FGFR2: variants seen among roughly 807,000 people sequenced by gnomAD.
FGFR2 encodes fibroblast growth factor receptor 2.
FGFR2 carries 19 observed loss-of-function variants against 95.9 expected under a neutral mutation model. The observed-to-expected ratio is 0.20, with a 90% CI of 0.14 to 0.29. The LOEUF (loss-of-function observed/expected upper bound fraction) is 0.29, where lower values mean the gene tolerates loss of function less well. FGFR2 is among the 10% of genes least tolerant of loss of function. The pLI, the probability that FGFR2 is intolerant of heterozygous loss-of-function variation, is 1.00. For synonymous variants in FGFR2, 392 were observed against 393.3 expected, an observed-to-expected ratio of 1.00 and a Z score of 0.04; for missense variants, 707 against 1,056.9, an observed-to-expected ratio of 0.67 and a Z score of 4.59.
At chr10:121,542,392 A>C (rs1202331609) in intron 5 of FGFR2, among the ~76,000 whole-genome samples, 1 of 152,182 alleles carries the variant, frequency 6.6e-6, no homozygotes, top group African/African-American at 2.4e-5. Flanking sequence ...ACACACAACA[A>C]AAAAGTATAA....
rs1854826759 is a variant in FGFR2, at chr10:121,548,244, CCTTTTTTTTT to C, written c.624+3036_624+3045del. On this transcript the variant is annotated intron_variant, in intron 5 of 17. Coordinates refer to ENST00000358487, the MANE Select transcript of FGFR2 (RefSeq NM_000141.5). Reference sequence around the variant, plus strand: ...ATGTGTGGCCCTCTGCCGCTTTTGGCCTTTTTTTTTTTTTTTTTTTTTTTTTTTTTTTTTT... The same window carrying C: ...ATGTGTGGCCCTCTGCCGCTTTTGGCTTTTTTTTTTTTTTTTTTTTTTTTT... Among the ~76,000 whole-genome samples, 11 of 36,938 alleles carry C rather than the reference CCTTTTTTTTT, an allele frequency of 3.0e-4. No individual in the cohort carries two copies. The South Asian group carries it at 5.1e-3, about 17-fold the overall frequency. The allele number at this position is 36,938 out of a possible 152,430, so 24.2% of individuals were successfully genotyped here.
At chr10:121,488,428 C>T (rs1243789212) in intron 13 of FGFR2, among the ~76,000 whole-genome samples, 1 of 151,266 alleles carries the variant, frequency 6.6e-6, no homozygotes, top group Non-Finnish European at 1.5e-5. Flanking sequence ...GTAGTCCCAG[C>T]TACTCAGGAG....
intron 2 of FGFR2, among the ~76,000 whole-genome samples, chr10:121,572,150 C>CA (rs887722551): frequency 4.3e-5 from 2 of 46,406 alleles, no homozygotes; most frequent in African/African-American, 1.9e-4. Context: ...CCTCTCTCCA[C>CA]AAAAAATGAA....
At chr10:121,502,985 G>A (rs894278810) in intron 10 of FGFR2, among the ~76,000 whole-genome samples, 2 of 152,154 alleles carry the variant, frequency 1.3e-5, no homozygotes. Flanking sequence ...TTACCACCAC[G>A]TGAAGGGAAA....
rs1243664931 is a variant in FGFR2, at chr10:121,482,152, C to T, written c.2301+1546G>A. ...GCGCCTGACCAACTTTTCCCAGTTTCTCAATGAAGCCATAAACTTTCAGAT... is the reference window on the plus strand; with the variant it reads ...GCGCCTGACCAACTTTTCCCAGTTTTTCAATGAAGCCATAAACTTTCAGAT... On this transcript the variant is annotated intron_variant, in intron 17 of 17. Transcript: ENST00000358487. The T allele has an allele frequency of 2.5e-6, 4 of 1,612,114 alleles. No individual in the cohort carries two copies. The Admixed American group carries it at 6.7e-5, about 27-fold the overall frequency.
intron 2 of FGFR2, among the ~76,000 whole-genome samples, chr10:121,580,993 T>TCCTGCCCAC (rs2135350897): frequency 6.6e-6 from 1 of 152,244 alleles, no homozygotes; most frequent in Admixed American, 6.5e-5. Flanking sequence ...CAGAATCCCA[T>TCCTGCCCAC]CCTGCCCACA....
At chr10:121,486,211 C>T (rs1242808071) in intron 15 of FGFR2, among the ~76,000 whole-genome samples, 1 of 152,156 alleles carries the variant, frequency 6.6e-6, no homozygotes, top group Non-Finnish European at 1.5e-5. Context: ...ACATCATGGT[C>T]GTTCTGGAAA....
intron 2 of FGFR2, among the ~76,000 whole-genome samples, chr10:121,588,643 G>A (rs1431278832): frequency 6.6e-6 from 1 of 152,120 alleles, no homozygotes; most frequent in Non-Finnish European, 1.5e-5. Context: ...TTAAGGCTAG[G>A]ACAGGTGTGG....
chr10:121,498,543 C>T lies in FGFR2; in HGVS notation c.1624G>A (p.Gly542Arg), dbSNP rs752880857. The T allele has an allele frequency of 1.2e-6, 2 of 1,614,014 alleles. No individual in the cohort carries two copies. The highest frequency in any genetic ancestry group is 2.2e-5 in the East Asian group (1 of 44,876). ...AGATTTATGATATTCTTGTGTTTCC[C>T]AATCATCTTCATCATCTCCATCTCT... ...VSEMEMMKMI[G>R]KHKNIINLLG... The change falls in exon 12 of 18, where the codon GGG becomes AGG. Residue 542 changes from glycine to arginine, a missense_variant. Around this residue, in one of 7 missense-constraint regions of FGFR2, gnomAD observed 194 missense variants for 267.3 expected, o/e 0.73. Coordinates refer to ENST00000358487, the MANE Select transcript of FGFR2 (RefSeq NM_000141.5).
intron 4 of FGFR2, 82 bp from the exon 5 acceptor site, chr10:121,551,541 T>C (rs2134848777): frequency 6.3e-6 from 8 of 1,279,648 alleles, no homozygotes; most frequent in Non-Finnish European, 9.0e-6. Flanking sequence ...TAAGATCATT[T>C]CGCTTTGCAT....
intron 5 of FGFR2, among the ~76,000 whole-genome samples, chr10:121,547,025 G>C (rs1353324335): frequency 6.6e-6 from 1 of 152,276 alleles, no homozygotes; most frequent in East Asian, 1.9e-4. Flanking sequence ...AGGAGTTCGA[G>C]ACCAGCATGA....
intron 2 of FGFR2, among the ~76,000 whole-genome samples, chr10:121,576,881 T>A (rs888945625): frequency 6.6e-6 from 1 of 151,624 alleles, no homozygotes; most frequent in Non-Finnish European, 1.5e-5. Context: ...ATGCCTGTAA[T>A]CCCAGAACTT....
intron 15 of FGFR2, among the ~76,000 whole-genome samples, chr10:121,486,805 A>G (rs983378863): frequency 6.6e-5 from 10 of 152,212 alleles, no homozygotes. Flanking sequence ...TTTTGTCAGT[A>G]TATCATAATA....
intron 9 of FGFR2, among the ~76,000 whole-genome samples, chr10:121,514,098 A>G (rs949620749): frequency 6.6e-6 from 1 of 152,152 alleles, no homozygotes; most frequent in Non-Finnish European, 1.5e-5. Context: ...ACTGAACAAG[A>G]ATCTCTGGGG....
At position 121,531,842 on chromosome 10, in the gene FGFR2, G is replaced by C. The variant is rs935720374; in HGVS notation, c.748+6750C>G. On this transcript the variant is annotated intron_variant, in intron 6 of 17. Coordinates refer to ENST00000358487, the MANE Select transcript of FGFR2 (RefSeq NM_000141.5). This position sits in a 1 kb window ranked among gnomAD's most constrained non-coding sequence, Gnocchi z 4.5. ...TTAGGGGTTGTCTGTGACAGCGATG[G>C]TTTATAAGAACAGGATGAGATGGCT... Among the ~76,000 whole-genome samples the C allele has an allele frequency of 1.3e-5, 2 of 152,174 alleles. No homozygotes were observed. The highest frequency in any genetic ancestry group is 2.9e-5 in the Non-Finnish European group (2 of 68,020).
chr10:121,587,118 C>A (rs1011666934), intron 2 of FGFR2, among the ~76,000 whole-genome samples: 1 of 152,204 alleles, frequency 6.6e-6, no homozygotes, highest in South Asian at 2.1e-4. Context: ...CTACGACCAT[C>A]TGATCTTCGA....
At chr10:121,596,987 T>C (rs1484668239) in intron 1 of FGFR2, among the ~76,000 whole-genome samples, 2 of 152,190 alleles carry the variant, frequency 1.3e-5, no homozygotes, top group Non-Finnish European at 2.9e-5. Context: ...AATGGAGTTT[T>C]AAATGTTGAT....
rs760884709 is a variant in FGFR2, at chr10:121,593,829, C to A, written c.-12G>T. 1.2e-6 allele frequency: 2 copies of A among 1,611,196 alleles called. No homozygotes were observed. Among genetic ancestry groups the A allele is most frequent in the Middle Eastern group, 1.7e-4 (1 of 6,056 alleles). ...CCCCAGCTGACCATGGTTACGGTAC[C>A]AATCCCCGGTCCTCTTCCATATCTC... On this transcript the variant is annotated 5_prime_UTR_variant, in exon 2 of 18. Coordinates refer to ENST00000358487, the MANE Select transcript of FGFR2 (RefSeq NM_000141.5).
chr10:121,515,429 C>T, intron 8 of FGFR2, 110 bp from the exon 9 acceptor site: 1 of 1,125,566 alleles, frequency 8.9e-7, no homozygotes, highest in Non-Finnish European at 1.3e-6. Context: ...CGACCATTCT[C>T]AAGGCAAGGT....
Sources: gnomAD v4.1 joint callset for allele counts (sites outside exome capture counted in the v4.1 genomes callset) on GRCh38, gnomAD v4.1.1 for gene constraint, gnomAD v4.1.1 regional missense constraint, Gnocchi (gnomAD v3.1) non-coding constraint, MANE v1.5 for transcripts, NCBI Gene and HGNC (gene_info 2026-07-23, HGNC 2026-07-21) for gene names.